The following TAB2 variants were observed in gnomAD, a reference collection of about 807,000 sequenced individuals.
TAB2 encodes TGF-beta activated kinase 1 (MAP3K7) binding protein 2.
In TAB2, 3 loss-of-function variants were observed where a neutral mutation model predicts 65.0. That is an observed-to-expected ratio of 0.05 (90% CI 0.02 to 0.12). The LOEUF (loss-of-function observed/expected upper bound fraction) is 0.12. TAB2 is among the 10% of genes least tolerant of loss of function. TAB2 has a pLI of 1.00. For synonymous variants in TAB2, 298 were observed against 285.1 expected, an observed-to-expected ratio of 1.05 and a Z score of -0.46; for missense variants, 623 against 840.3, an observed-to-expected ratio of 0.74 and a Z score of 3.20.
chr6:149,293,114 T>C (rs538159244), intron 1 of TAB2, among the ~76,000 whole-genome samples: 74 of 152,330 alleles, frequency 4.9e-4, no homozygotes, highest in Non-Finnish European at 7.6e-4. Flanking sequence ...CTTTCAGGCC[T>C]TTGGTTAGAG....
intron 1 of TAB2, chr6:149,247,941 G>A (rs990835926): frequency 6.6e-6 from 1 of 152,194 alleles, no homozygotes; most frequent in Admixed American, 6.5e-5. Context: ...GAGAACATTA[G>A]GACAAATACC....
chr6:149,408,170 CTG>C (rs1782730099), intron 6 of TAB2, among the ~76,000 whole-genome samples: 1 of 152,110 alleles, frequency 6.6e-6, no homozygotes, highest in Non-Finnish European at 1.5e-5. Flanking sequence ...GTTTTTTAAA[CTG>C]TATTTCTTTT....
chr6:149,280,729 C>T (rs1778557825), intron 1 of TAB2, among the ~76,000 whole-genome samples: 1 of 151,876 alleles, frequency 6.6e-6, no homozygotes, highest in African/African-American at 2.4e-5. Flanking sequence ...TCACTTGAGC[C>T]CAGGAGTTTG....
intron 1 of TAB2, among the ~76,000 whole-genome samples, chr6:149,318,281 G>A (rs1054163880): frequency 6.6e-6 from 1 of 151,778 alleles, no homozygotes; most frequent in Non-Finnish European, 1.5e-5. Flanking sequence ...TGCGGGGGGG[G>A]AGGGGGAGCT....
intron 1 of TAB2, among the ~76,000 whole-genome samples, chr6:149,325,388 T>C (rs1237359481): frequency 6.6e-6 from 1 of 152,246 alleles, no homozygotes; most frequent in African/African-American, 2.4e-5. Flanking sequence ...TCAAGGTATC[T>C]GTCCACTTCA....
At chr6:149,309,762 A>C (rs1322196287) in intron 1 of TAB2, among the ~76,000 whole-genome samples, 1 of 151,922 alleles carries the variant, frequency 6.6e-6, no homozygotes, top group Non-Finnish European at 1.5e-5. Context: ...ATTAATTTTG[A>C]TATATAATGT....
intron 3 of TAB2, among the ~76,000 whole-genome samples, chr6:149,387,127 T>A (rs1458738630): frequency 6.6e-6 from 1 of 152,240 alleles, no homozygotes. Flanking sequence ...TATGTATTTT[T>A]TCTTTTATTG....
At chr6:149,271,224 T>A (rs924161712) in intron 1 of TAB2, among the ~76,000 whole-genome samples, 49 of 151,988 alleles carry the variant, frequency 3.2e-4, no homozygotes, top group African/African-American at 2.2e-4. Flanking sequence ...ATATATATAT[T>A]TTTTAAAAAA....
intron 1 of TAB2, among the ~76,000 whole-genome samples, chr6:149,227,754 G>T (rs1328380368): frequency 2.6e-5 from 4 of 152,186 alleles, no homozygotes; most frequent in Non-Finnish European, 4.4e-5. Context: ...CAAATGAAAT[G>T]ATTTGTAAAA....
intron 1 of TAB2, among the ~76,000 whole-genome samples, chr6:149,294,531 T>C (rs897206535): frequency 1.1e-4 from 16 of 152,232 alleles, no homozygotes; most frequent in Non-Finnish European, 2.1e-4. Context: ...ACCAGTGCTA[T>C]AAATGGCTTC....
intron 2 of TAB2, among the ~76,000 whole-genome samples, chr6:149,373,286 A>T (rs1781290311): frequency 6.6e-6 from 1 of 152,198 alleles, no homozygotes; most frequent in African/African-American, 2.4e-5. Context: ...TTCTCTTAAC[A>T]TGACGATTGA....
intron 1 of TAB2, among the ~76,000 whole-genome samples, chr6:149,332,183 C>G (rs963368055): frequency 6.6e-6 from 1 of 152,112 alleles, no homozygotes; most frequent in African/African-American, 2.4e-5. Context: ...GATGTGTTAA[C>G]TTTGAAATGC....
chr6:149,295,348 C>CGTTTTGTTTT (rs917519534), intron 1 of TAB2, among the ~76,000 whole-genome samples: 1 of 151,928 alleles, frequency 6.6e-6, no homozygotes, highest in Non-Finnish European at 1.5e-5. Context: ...TTTGGTTTTT[C>CGTTTTGTTTT]GTTTTGTTTT....
chr6:149,268,530 A>G lies in TAB2; in HGVS notation c.-121+49754A>G, dbSNP rs182513275. The stretch of plus-strand genomic sequence containing the variant: ...AGCTGCATGTGGAAGGAAAATGTTG[A>G]CATTTATGATGACTGTGAGATCCTT... On this transcript the variant is annotated intron_variant, in intron 1 of 1. Transcript: ENST00000606202. Among the ~76,000 whole-genome samples the G allele has an allele frequency of 1.4e-3, 215 of 152,374 alleles. 1 individual carries two copies. The highest frequency in any genetic ancestry group is 4.8e-3 in the African/African-American group (199 of 41,588).
At chr6:149,311,875 G>A (rs1209807784) in intron 1 of TAB2, among the ~76,000 whole-genome samples, 1 of 152,208 alleles carries the variant, frequency 6.6e-6, no homozygotes, top group Non-Finnish European at 1.5e-5. Flanking sequence ...GCTATCCAAA[G>A]GTGAAGAAGA....
chr6:149,297,408 T>C (rs1437381312), intron 1 of TAB2, among the ~76,000 whole-genome samples: 1 of 152,244 alleles, frequency 6.6e-6, no homozygotes, highest in African/African-American at 2.4e-5. Context: ...TACACACAAA[T>C]AATGATTTGG....
At chr6:149,388,954 C>CTTTTTT (rs61577861) in intron 3 of TAB2, among the ~76,000 whole-genome samples, 1 of 113,744 alleles carries the variant, frequency 8.8e-6, no homozygotes, top group African/African-American at 3.4e-5. Context: ...TAACAGAAAT[C>CTTTTTT]TTTTTTTTTT....
At position 149,297,637 on chromosome 6, in the gene TAB2, G is replaced by A. The variant is rs957014938; in HGVS notation, c.-121+78861G>A. Among the ~76,000 whole-genome samples, 14 of 151,922 alleles carry A rather than the reference G, an allele frequency of 9.2e-5. No individual in the cohort carries two copies. In the East Asian group the frequency reaches 1.5e-3, roughly 17 times the overall value. On this transcript the variant is annotated intron_variant, in intron 1 of 1. Transcript: ENST00000606202. Reference sequence around the variant, plus strand: ...ACTCCTAGCCTCAAATGATCCTCCCGGTTCAGTCTGCTGAGTAGCTAGGAC... The same window carrying A: ...ACTCCTAGCCTCAAATGATCCTCCCAGTTCAGTCTGCTGAGTAGCTAGGAC...
intron 1 of TAB2, among the ~76,000 whole-genome samples, chr6:149,289,185 C>T (rs1778730324): frequency 6.6e-6 from 1 of 151,940 alleles, no homozygotes; most frequent in Non-Finnish European, 1.5e-5. Context: ...AAAGATAGAT[C>T]ATGTATCTGC....
Sources: gnomAD v4.1 joint callset for allele counts (sites outside exome capture counted in the v4.1 genomes callset) on GRCh38, gnomAD v4.1.1 for gene constraint, MANE v1.5 for transcripts, NCBI Gene and HGNC (gene_info 2026-07-23, HGNC 2026-07-21) for gene names.